Variants in SPTA1 observed in about 807,000 individuals in gnomAD.
SPTA1 encodes spectrin alpha, erythrocytic 1.
A neutral mutation model predicts 324.7 loss-of-function variants in SPTA1; 177 were observed. That is an observed-to-expected ratio of 0.55 (90% CI 0.48 to 0.62). The LOEUF is 0.62. SPTA1 is among the 20% of genes least tolerant of loss of function. The pLI, the probability that SPTA1 is intolerant of heterozygous loss-of-function variation, is 0.00. For missense variants in SPTA1, 3,162 were observed against 2,883.6 expected, an observed-to-expected ratio of 1.10 and a Z score of -2.21; for synonymous variants, 1,195 against 1,041.3, an observed-to-expected ratio of 1.15 and a Z score of -2.84.
intron 51 of SPTA1, chr1:158,612,014 T>A (rs1454305685): frequency 6.4e-6 from 1 of 156,092 alleles, no homozygotes; most frequent in Non-Finnish European, 1.4e-5. Context: ...GCACCTTTAA[T>A]GTGTACAGTT....
intron 7 of SPTA1, among the ~76,000 whole-genome samples, chr1:158,677,470 T>A (rs139730248): frequency 8.5e-5 from 13 of 152,300 alleles, no homozygotes; most frequent in African/African-American, 3.1e-4. Flanking sequence ...AACATATGTG[T>A]ATATTTAAAT....
chr1:158,660,078 G>A (rs535665672), intron 18 of SPTA1, among the ~76,000 whole-genome samples: 48 of 152,130 alleles, frequency 3.2e-4, no homozygotes, highest in Non-Finnish European at 5.7e-4. Context: ...TTGAAGATAA[G>A]ATGGAATCAC....
At chr1:158,656,795 C>A (rs906342867) in intron 19 of SPTA1, 139 bp from the exon 20 acceptor site, 15 of 709,998 alleles carry the variant, frequency 2.1e-5, no homozygotes, top group South Asian at 3.5e-5. Context: ...TATTTTTAAC[C>A]CTAAATTTGC....
chr1:158,674,226 G>A lies in SPTA1; in HGVS notation c.1350+103C>T, dbSNP rs749918888. 3 of 1,182,472 alleles carry A rather than the reference G, an allele frequency of 2.5e-6. No homozygotes were observed. In the South Asian group the frequency reaches 3.7e-5, roughly 15 times the overall value. The allele number at this position is 1,182,472 out of a possible 1,614,324, so 73.2% of individuals were successfully genotyped here. A position where few individuals can be genotyped will look rare whatever the true frequency, so the allele number is the denominator to read the frequency against. The stretch of plus-strand genomic sequence containing the variant: ...ATTCATATTATTAACACGTTTAAAT[G>A]ACTTCTATTCTTTTCCCATTTAGAG... On this transcript the variant is annotated intron_variant, in intron 10 of 51. Transcript: ENST00000643759.
chr1:158,665,313 G>C (rs998169509), intron 16 of SPTA1, among the ~76,000 whole-genome samples: 4 of 152,092 alleles, frequency 2.6e-5, no homozygotes, highest in African/African-American at 9.7e-5. Context: ...TTTATTTAAA[G>C]CCCCAGAGAG....
rs1482147636 is a variant in SPTA1, at chr1:158,653,425, C to T, written c.3037G>A (p.Asp1013Asn). ...TCAGCAGCTTCCACCTTCCACCAGT[C>T]CTGAAGGGAGAGCAGATCCCCACTC... is the stretch of plus-strand genomic sequence containing the variant. ...VLTLLSSINK[D>N]WWKVEAADHQ... Residue 1013 changes from aspartate (D) to asparagine (N), a missense_variant and splice_region_variant, in exon 22 of 52, where the codon GAC becomes AAC. Coordinates refer to ENST00000643759, the MANE Select transcript of SPTA1 (RefSeq NM_003126.4). 1.2e-6 allele frequency: 2 copies of T among 1,613,850 alleles called. No homozygotes were observed. The highest frequency in any genetic ancestry group is 1.3e-5 in the African/African-American group (1 of 74,888).
intron 27 of SPTA1, among the ~76,000 whole-genome samples, chr1:158,647,291 C>T (rs1652066602): frequency 6.6e-6 from 1 of 152,152 alleles, no homozygotes; most frequent in African/African-American, 2.4e-5. Flanking sequence ...ACTACTGTCT[C>T]TTCAGTAGAA....
intron 32 of SPTA1, 111 bp from the exon 33 acceptor site, chr1:158,642,653 G>A (rs980466197): frequency 3.9e-5 from 61 of 1,569,372 alleles, no homozygotes; most frequent in East Asian, 4.5e-5. Context: ...CTGAGGTGAC[G>A]GTGACTTCTG....
In SPTA1 at chr1:158,634,605, T is replaced by C. The variant is rs1293609513; in HGVS notation, c.5503A>G (p.Ile1835Val). The C allele has an allele frequency of 1.2e-6, 2 of 1,614,066 alleles. No individual in the cohort carries two copies. The highest frequency in any genetic ancestry group is 1.1e-5 in the South Asian group (1 of 91,082). Residue 1835 changes from isoleucine (I) to valine (V), a missense_variant, in exon 39 of 52, where the codon ATC (isoleucine) becomes GTC (valine). Coordinates refer to ENST00000643759, the MANE Select transcript of SPTA1 (RefSeq NM_003126.4). ...ACAGCCAAAGCATTCTTTTCATTGA[T>C]CCAAGCTTCCTCTTCCTCAGCATTC... ...MQNAEEEEAW[I>V]NEKNALAVRG... is the part of the protein sequence containing the mutation.
At chr1:158,639,548 C>A (rs997145728) in intron 35 of SPTA1, 34 bp downstream of exon 35, 3 of 1,603,426 alleles carry the variant, frequency 1.9e-6, no homozygotes, top group Non-Finnish European at 2.6e-6. Context: ...TATTTCTATT[C>A]TGCCCAGAGG....
chr1:158,649,812 G>C (rs367890990), intron 25 of SPTA1, 44 bp downstream of exon 25: 18 of 1,474,848 alleles, frequency 1.2e-5, no homozygotes, highest in Middle Eastern at 1.7e-4. Flanking sequence ...AGTTTAGTGA[G>C]TGGGTTTTAA....
chr1:158,676,393 A>G, intron 7 of SPTA1, 98 bp from the exon 8 acceptor site: 1 of 1,296,044 alleles, frequency 7.7e-7, no homozygotes, highest in Non-Finnish European at 1.1e-6. Context: ...ATGAATAATA[A>G]TAATTTAGAA....
chr1:158,652,717 G>A (rs1571457613), intron 22 of SPTA1, 64 bp from the exon 23 acceptor site: 7 of 1,567,736 alleles, frequency 4.5e-6, no homozygotes, highest in Non-Finnish European at 5.3e-6. Context: ...TAGAGGCTGA[G>A]TGACAAACAT....
At chr1:158,665,465 T>TA (rs1361704603) in intron 16 of SPTA1, among the ~76,000 whole-genome samples, 1 of 152,152 alleles carries the variant, frequency 6.6e-6, no homozygotes, top group Non-Finnish European at 1.5e-5. Context: ...TTCTAGGGAA[T>TA]GGCGGAATCA....
At chr1:158,669,888 G>C in intron 12 of SPTA1, 102 bp from the exon 13 acceptor site, 1 of 1,175,458 alleles carries the variant, frequency 8.5e-7, no homozygotes, top group Non-Finnish European at 1.3e-6. Context: ...AGCAATGTGG[G>C]AGGAGAAGTT....
At chr1:158,614,001 A>G (rs1411205482) in intron 49 of SPTA1, 134 bp from the exon 50 acceptor site, 6 of 1,040,516 alleles carry the variant, frequency 5.8e-6, no homozygotes, top group Non-Finnish European at 8.5e-6. Flanking sequence ...GACTGAATAC[A>G]AAGCCTGTCT....
Position 158,643,383 on chromosome 1 carries a change from T to C in SPTA1, c.4381A>G (p.Ile1461Val), listed in dbSNP as rs916652624. ...TDLEHFAESL[I>V]ADEHYAKEEI... The stretch of plus-strand genomic sequence containing the variant: ...TCTTTGGCATAGTGTTCATCAGCAA[T>C]GAGGCTCTCAGCAAAATGTTCTAGG... Residue 1461 changes from isoleucine (I) to valine (V), a missense_variant, in exon 31 of 52, where the codon ATT becomes GTT. By Grantham distance (29) the Ile-to-Val change is conservative. Coordinates refer to ENST00000643759, the MANE Select transcript of SPTA1 (RefSeq NM_003126.4). 2 of 1,613,676 alleles carry C rather than the reference T, an allele frequency of 1.2e-6. No individual in the cohort carries two copies. The highest frequency in any genetic ancestry group is 1.7e-6 in the Non-Finnish European group (2 of 1,179,840).
At chr1:158,650,042 T>C in intron 24 of SPTA1, 95 bp from the exon 25 acceptor site, 1 of 853,690 alleles carries the variant, frequency 1.2e-6, no homozygotes, top group South Asian at 1.5e-5. Context: ...ACATAGTTGT[T>C]TTTACGTTAT....
chr1:158,647,677 T>G lies in SPTA1; in HGVS notation c.3758A>C (p.His1253Pro), dbSNP rs780786530. 1 of 1,613,938 alleles carries G rather than the reference T, an allele frequency of 6.2e-7. No homozygotes were observed. Among genetic ancestry groups the G allele is most frequent in the Non-Finnish European group, 8.5e-7 (1 of 1,179,926 alleles). ...GETAERLSESHPDATEDLQRQ... is the reference protein window; with the variant it reads ...GETAERLSESPPDATEDLQRQ... ...CTGCAGGTCCTCAGTGGCATCTGGA[T>G]GGGACTCACTGAGCCGCTCTGCTGT... Residue 1253 changes from histidine to proline, a missense_variant, in exon 27 of 52, where the codon CAT (histidine) becomes CCT (proline). His to Pro is a moderately conservative substitution (Grantham distance 77). Transcript: ENST00000643759.
Sources: allele counts gnomAD v4.1 joint callset (sites outside exome capture counted in the v4.1 genomes callset), GRCh38; gene constraint gnomAD v4.1.1; transcripts MANE v1.5; gene names NCBI Gene and HGNC (gene_info 2026-07-23, HGNC 2026-07-21).